PSMA1: variants seen among roughly 807,000 people sequenced by gnomAD.
PSMA1 encodes proteasome 20S subunit alpha 1, also known as proteasome subunit alpha type-1.
PSMA1 carries 3 observed loss-of-function variants against 38.4 expected under a neutral mutation model. The observed-to-expected ratio is 0.08, with a 90% CI of 0.04 to 0.20. PSMA1 has a LOEUF of 0.20. Ranked by LOEUF, PSMA1 falls within the 10% of genes least tolerant of loss-of-function variation. The pLI, the probability that PSMA1 is intolerant of heterozygous loss-of-function variation, is 1.00. For synonymous variants in PSMA1, 101 were observed against 107.1 expected, an observed-to-expected ratio of 0.94 and a Z score of 0.35; for missense variants, 227 against 325.3, an observed-to-expected ratio of 0.70 and a Z score of 2.32.
intron 2 of PSMA1, among the ~76,000 whole-genome samples, chr11:14,584,002 T>C (rs1179748938): frequency 6.6e-6 from 1 of 152,190 alleles, no homozygotes; most frequent in Non-Finnish European, 1.5e-5. Context: ...CCAATTACAG[T>C]GTCACAGCCC....
intron 2 of PSMA1, 72 bp downstream of exon 2, chr11:14,518,925 C>T: frequency 8.1e-7 from 1 of 1,241,962 alleles, no homozygotes; most frequent in Non-Finnish European, 1.1e-6. Context: ...AGCCTACGCT[C>T]TCACAAGTTT....
chr11:14,606,213 C>A (rs898520239), intron 2 of PSMA1, among the ~76,000 whole-genome samples: 5 of 152,118 alleles, frequency 3.3e-5, no homozygotes, highest in African/African-American at 1.2e-4. Flanking sequence ...TTTCTGGATT[C>A]TCTCTTCTGT....
At chr11:14,599,808 A>C (rs1173925515) in intron 2 of PSMA1, among the ~76,000 whole-genome samples, 1 of 152,114 alleles carries the variant, frequency 6.6e-6, no homozygotes, top group Admixed American at 6.6e-5. Flanking sequence ...GTTCCTTTGG[A>C]GGAGAAAAGG....
intron 1 of PSMA1, among the ~76,000 whole-genome samples, chr11:14,625,967 C>T (rs1353455062): frequency 6.6e-6 from 1 of 152,150 alleles, no homozygotes; most frequent in Non-Finnish European, 1.5e-5. Flanking sequence ...AATCTACCTC[C>T]TGTACTGGAT....
At chr11:14,565,922 T>C (rs1029026867) in intron 2 of PSMA1, among the ~76,000 whole-genome samples, 20 of 152,148 alleles carry the variant, frequency 1.3e-4, no homozygotes, top group Non-Finnish European at 1.9e-4. Flanking sequence ...TCTGGAGAAG[T>C]TGAAATTTGA....
intron 2 of PSMA1, among the ~76,000 whole-genome samples, chr11:14,590,694 G>C (rs17489368): frequency 2.6e-5 from 4 of 152,330 alleles, no homozygotes; most frequent in Admixed American, 2.6e-4. Flanking sequence ...AAGAGAGATC[G>C]TAGCGGGGTC....
intron 2 of PSMA1, among the ~76,000 whole-genome samples, chr11:14,535,886 C>A (rs1851701189): frequency 6.6e-6 from 1 of 152,118 alleles, no homozygotes; most frequent in Admixed American, 6.5e-5. Context: ...CTCTATTGAT[C>A]AATTTTGCAA....
chr11:14,631,784 TTAA>T (rs1428798551), intron 1 of PSMA1, among the ~76,000 whole-genome samples: 2 of 152,126 alleles, frequency 1.3e-5, no homozygotes, highest in African/African-American at 4.8e-5. Flanking sequence ...TCTCCCATTA[TTAA>T]TGTGTGGGAG....
chr11:14,553,919 C>T (rs1428916531), intron 2 of PSMA1, among the ~76,000 whole-genome samples: 1 of 152,110 alleles, frequency 6.6e-6, no homozygotes, highest in African/African-American at 2.4e-5. Context: ...AGTGGCTATA[C>T]CATTTTACAC....
intron 2 of PSMA1, among the ~76,000 whole-genome samples, chr11:14,571,061 T>G (rs1044752361): frequency 1.3e-5 from 2 of 152,122 alleles, no homozygotes; most frequent in African/African-American, 2.4e-5. Context: ...TCAACATTCT[T>G]TTTTGTTTTG....
At chr11:14,636,533 C>T (rs569612487) in intron 1 of PSMA1, among the ~76,000 whole-genome samples, 2 of 152,296 alleles carry the variant, frequency 1.3e-5, no homozygotes, top group Admixed American at 1.3e-4. Flanking sequence ...GGGGATATCT[C>T]TTTTTCTCCC....
intron 2 of PSMA1, among the ~76,000 whole-genome samples, chr11:14,541,835 G>T (rs1851776581): frequency 6.6e-6 from 1 of 152,196 alleles, no homozygotes; most frequent in Admixed American, 6.5e-5. Flanking sequence ...ATAAACCTTG[G>T]AAGAATATGC....
chr11:14,634,425 TA>T (rs1853085444), intron 1 of PSMA1, among the ~76,000 whole-genome samples: 1 of 151,930 alleles, frequency 6.6e-6, no homozygotes, highest in Non-Finnish European at 1.5e-5. Context: ...AATTAATAAA[TA>T]TTTGCTGAAT....
intron 2 of PSMA1, among the ~76,000 whole-genome samples, chr11:14,588,351 C>T (rs2134186827): frequency 6.6e-6 from 1 of 152,292 alleles, no homozygotes; most frequent in East Asian, 1.9e-4. Flanking sequence ...ATTTCAACAC[C>T]TCTAACAGGA....
intron 2 of PSMA1, among the ~76,000 whole-genome samples, chr11:14,551,383 T>C (rs1006616137): frequency 6.6e-6 from 1 of 152,162 alleles, no homozygotes; most frequent in African/African-American, 2.4e-5. Context: ...TGCAAAATCA[T>C]CCTGAAGAGA....
chr11:14,552,861 T>A (rs980892329), intron 2 of PSMA1, among the ~76,000 whole-genome samples: 1 of 148,402 alleles, frequency 6.7e-6, no homozygotes, highest in Non-Finnish European at 1.5e-5. Context: ...TCTGGCTTTA[T>A]CACCCAGGCT....
At chr11:14,591,719 C>A (rs954993514) in intron 2 of PSMA1, among the ~76,000 whole-genome samples, 54 of 152,076 alleles carry the variant, frequency 3.6e-4, no homozygotes, top group African/African-American at 1.1e-3. Flanking sequence ...GGTGGAGAAC[C>A]TTTGTATCTA....
chr11:14,513,781 A>C, intron 6 of PSMA1, 36 bp downstream of exon 6: 1 of 1,549,364 alleles, frequency 6.5e-7, no homozygotes, highest in Non-Finnish European at 8.7e-7. Flanking sequence ...TAATTAAAAA[A>C]AATCATTAAC....
chr11:14,624,625 C>A (rs986224410), intron 1 of PSMA1, among the ~76,000 whole-genome samples: 3 of 152,208 alleles, frequency 2.0e-5, no homozygotes, highest in African/African-American at 7.2e-5. Flanking sequence ...GCAGTTTGGA[C>A]ACCTCATGTC....
Sources: allele counts gnomAD v4.1 joint callset (sites outside exome capture counted in the v4.1 genomes callset), GRCh38; gene constraint gnomAD v4.1.1; transcripts MANE v1.5; gene names NCBI Gene and HGNC (gene_info 2026-07-23, HGNC 2026-07-21).